The following EPB41L4A variants were observed in gnomAD, a reference collection of about 807,000 sequenced individuals.
EPB41L4A encodes erythrocyte membrane protein band 4.1 like 4A.
A neutral mutation model predicts 108.6 loss-of-function variants in EPB41L4A; 100 were observed. The observed-to-expected ratio is 0.92, with a 90% CI of 0.78 to 1.09. The LOEUF is 1.09. Ranked by LOEUF, EPB41L4A falls within the 50% of genes least tolerant of loss-of-function variation. The pLI is 0.00. For synonymous variants in EPB41L4A, 319 were observed against 289.0 expected, an observed-to-expected ratio of 1.10 and a Z score of -1.05; for missense variants, 1,030 against 842.7, an observed-to-expected ratio of 1.22 and a Z score of -2.75.
chr5:112,268,842 C>CAAAAAAA (rs34983995), intron 4 of EPB41L4A, among the ~76,000 whole-genome samples: 41 of 55,908 alleles, frequency 7.3e-4, no homozygotes, highest in South Asian at 6.6e-3. Context: ...GACCTTCTCT[C>CAAAAAAA]AAAAAAAAAA....
intron 12 of EPB41L4A, among the ~76,000 whole-genome samples, chr5:112,211,335 G>T (rs1040026641): frequency 1.3e-5 from 2 of 152,194 alleles, no homozygotes; most frequent in East Asian, 3.9e-4. Flanking sequence ...TGTCATCCCA[G>T]CACTTTGGGA....
intron 1 of EPB41L4A, among the ~76,000 whole-genome samples, chr5:112,404,863 T>TG (rs1307030186): frequency 1.3e-5 from 2 of 152,164 alleles, no homozygotes; most frequent in African/African-American, 4.8e-5. Flanking sequence ...CCCTTCTCTA[T>TG]GTTCATGCTA....
chr5:112,287,016 C>T (rs12657885), intron 2 of EPB41L4A, among the ~76,000 whole-genome samples: 25,869 of 152,134 alleles, frequency 0.17, 2,394 homozygotes, highest in East Asian at 0.35. Flanking sequence ...CTTCTCCTCC[C>T]GTCTCACTGG....
At chr5:112,321,790 T>G (rs1368222866) in intron 1 of EPB41L4A, among the ~76,000 whole-genome samples, 1 of 152,222 alleles carries the variant, frequency 6.6e-6, no homozygotes, top group Non-Finnish European at 1.5e-5. Flanking sequence ...TGCATAGGTG[T>G]ATTTAACCTA....
At chr5:112,333,534 C>A (rs1756715058) in intron 1 of EPB41L4A, among the ~76,000 whole-genome samples, 1 of 152,110 alleles carries the variant, frequency 6.6e-6, no homozygotes, top group African/African-American at 2.4e-5. Context: ...GTGTTTGCAG[C>A]CCCTATTCTC....
At chr5:112,209,863 T>G (rs780027704) in intron 13 of EPB41L4A, 29 bp downstream of exon 13, 5 of 1,378,864 alleles carry the variant, frequency 3.6e-6, no homozygotes, top group Non-Finnish European at 5.1e-6. Flanking sequence ...AGCATATAAT[T>G]GTACGTTTCT....
chr5:112,294,178 C>G (rs750469432), intron 2 of EPB41L4A, among the ~76,000 whole-genome samples: 1 of 152,064 alleles, frequency 6.6e-6, no homozygotes, highest in Non-Finnish European at 1.5e-5. Context: ...ATCTAACTTC[C>G]TAATATCTCA....
intron 9 of EPB41L4A, among the ~76,000 whole-genome samples, chr5:112,241,458 T>C (rs944922534): frequency 4.6e-5 from 7 of 152,178 alleles, no homozygotes; most frequent in Non-Finnish European, 8.8e-5. Context: ...ATTTAATAAG[T>C]AAGAAATAAA....
At chr5:112,320,223 A>G (rs1248746460) in intron 1 of EPB41L4A, among the ~76,000 whole-genome samples, 1 of 152,112 alleles carries the variant, frequency 6.6e-6, no homozygotes, top group South Asian at 2.1e-4. Context: ...CAGTCCTTTC[A>G]TCCCTTTTTC....
intron 1 of EPB41L4A, among the ~76,000 whole-genome samples, chr5:112,362,774 A>G (rs1216184808): frequency 6.6e-6 from 1 of 152,196 alleles, no homozygotes; most frequent in Non-Finnish European, 1.5e-5. Context: ...ATACACTGAC[A>G]TCCTAAAGAC....
intron 1 of EPB41L4A, among the ~76,000 whole-genome samples, chr5:112,373,904 T>C (rs1243460412): frequency 6.6e-6 from 1 of 152,248 alleles, no homozygotes; most frequent in Admixed American, 6.5e-5. Context: ...AAGTTTGTTT[T>C]CACCAAGTTT....
chr5:112,291,033 C>T (rs2150534238), intron 2 of EPB41L4A, among the ~76,000 whole-genome samples: 1 of 152,288 alleles, frequency 6.6e-6, no homozygotes, highest in South Asian at 2.1e-4. Context: ...GATGTGACTC[C>T]AGCCTACTCC....
intron 2 of EPB41L4A, among the ~76,000 whole-genome samples, chr5:112,281,944 G>T (rs1190157613): frequency 6.6e-6 from 1 of 151,624 alleles, no homozygotes; most frequent in Non-Finnish European, 1.5e-5. Context: ...TCCATTTTTT[G>T]ACTTTTTTTT....
rs532518113 is a variant in EPB41L4A at position 112,169,185 on chromosome 5, G to A, written c.1740-80C>T. The A allele has an allele frequency of 4.0e-5, 39 of 966,886 alleles. No individual in the cohort carries two copies. In the African/African-American group the frequency reaches 4.2e-4, roughly 10 times the overall value. The allele number at this position is 966,886 out of a possible 1,614,324, so 59.9% of individuals were successfully genotyped here. ...AGTAGGAGTTCTTAATATTGAAACC[G>A]CAAAAGAATAACAACTTTCAGAGTT... On this transcript the variant is annotated intron_variant, in intron 20 of 22. Transcript: ENST00000261486.
At chr5:112,387,895 T>C (rs1760668981) in intron 1 of EPB41L4A, among the ~76,000 whole-genome samples, 1 of 152,202 alleles carries the variant, frequency 6.6e-6, no homozygotes, top group Non-Finnish European at 1.5e-5. Flanking sequence ...ATACACTTTC[T>C]ATCTTCCTCA....
At chr5:112,363,701 C>T (rs1179523516) in intron 1 of EPB41L4A, 1 of 151,604 alleles carries the variant, frequency 6.6e-6, no homozygotes, top group African/African-American at 2.4e-5. Context: ...ATGTCTCAAA[C>T]CATCACTTAC....
chr5:112,195,917 T>C (rs1243026892), intron 15 of EPB41L4A, among the ~76,000 whole-genome samples: 1 of 152,190 alleles, frequency 6.6e-6, no homozygotes, highest in African/African-American at 2.4e-5. Flanking sequence ...CTCACTCTAG[T>C]GGAACCTGCA....
At chr5:112,145,277 G>A (rs1168365264) in intron 13 of EPB41L4A, among the ~76,000 whole-genome samples, 4 of 152,184 alleles carry the variant, frequency 2.6e-5, no homozygotes, top group Non-Finnish European at 5.9e-5. Flanking sequence ...GCAACAGAGT[G>A]AGGTTATATA....
intron 1 of EPB41L4A, among the ~76,000 whole-genome samples, chr5:112,393,813 C>T (rs1180318339): frequency 1.3e-5 from 2 of 152,116 alleles, no homozygotes; most frequent in African/African-American, 4.8e-5. Flanking sequence ...ACCAATATCC[C>T]TGATGAACAT....
Sources: allele counts gnomAD v4.1 joint callset (sites outside exome capture counted in the v4.1 genomes callset), GRCh38; gene constraint gnomAD v4.1.1; transcripts MANE v1.5; gene names NCBI Gene and HGNC (gene_info 2026-07-23, HGNC 2026-07-21).